The following TENM3 variants were observed in gnomAD, a reference collection of about 807,000 sequenced individuals.
The protein encoded by TENM3 is teneurin-3.
A neutral mutation model predicts 255.1 loss-of-function variants in TENM3; 63 were observed. The observed-to-expected ratio is 0.25, with a 90% CI of 0.20 to 0.30. The LOEUF (loss-of-function observed/expected upper bound fraction) is 0.30, where lower values mean the gene tolerates loss of function less well. Among genes scored for constraint, TENM3 ranks in the 10% least tolerant of loss-of-function variants. TENM3 has a pLI of 1.00. For missense variants in TENM3, 2,929 were observed against 3,461.1 expected (o/e 0.85, Z 3.86); for synonymous variants, 1,306 against 1,322.3 (o/e 0.99, Z 0.27).
Position 182,680,670 on chromosome 4 carries a change from T to G in TENM3, c.1767T>G (p.Gly589=), listed in dbSNP as rs770070786. ...TTQCIDPQCG[G]RGICIMGSCA... is the part of the protein sequence containing the mutation. The stretch of plus-strand genomic sequence containing the variant: ...AGTGTATTGACCCACAGTGTGGGGG[T>G]CGTGGGATTTGTATCATGGGCTCTT... The change falls in exon 10 of 28, where the codon GGT becomes GGG. Residue 589 remains glycine (G), a synonymous_variant. Coordinates refer to ENST00000511685, the MANE Select transcript of TENM3 (RefSeq NM_001080477.4). 1 of 1,606,414 alleles carries G rather than the reference T, an allele frequency of 6.2e-7. No homozygotes were observed. The highest frequency in any genetic ancestry group is 8.5e-7 in the Non-Finnish European group (1 of 1,177,412).
chr4:182,102,153 C>A, the TENM3 span, among the ~76,000 whole-genome samples: 1 of 152,086 alleles, frequency 6.6e-6, no homozygotes, highest in African/African-American at 2.4e-5. Flanking sequence ...GTGTAGGAGC[C>A]CAGATGTGTA....
chr4:181,552,868 T>C, the TENM3 span, among the ~76,000 whole-genome samples: 15 of 152,348 alleles, frequency 9.8e-5, no homozygotes, highest in South Asian at 3.1e-3. Flanking sequence ...ACAAGAAGTT[T>C]GCTAATTCAT....
the TENM3 span, among the ~76,000 whole-genome samples, chr4:181,526,003 G>A: frequency 2.0e-5 from 3 of 152,178 alleles, no homozygotes; most frequent in African/African-American, 7.2e-5. Flanking sequence ...TTTGAGAGAA[G>A]CACGTTTTCT....
rs368532377 is a variant in TENM3 at position 182,689,698 on chromosome 4, C to A, written c.2221+1347C>A. ...TCCTTTTCCCAGCAGCGAAACGAAT[C>A]GACATATTTGCAGTATTTCTGCCCA... is the stretch of plus-strand genomic sequence containing the variant. On this transcript the variant is annotated intron_variant, in intron 12 of 27. Transcript: ENST00000511685. Among the ~76,000 whole-genome samples the A allele has an allele frequency of 5.3e-5, 8 of 152,276 alleles. No homozygotes were observed. The South Asian group carries it at 1.7e-3, about 32-fold the overall frequency.
intron 3 of TENM3, among the ~76,000 whole-genome samples, chr4:182,495,958 A>G (rs1035145453): frequency 5.3e-5 from 8 of 152,224 alleles, no homozygotes; most frequent in Non-Finnish European, 1.2e-4. Context: ...TTGTTCTCTT[A>G]TTTAGACTGA....
At chr4:182,268,576 T>G (rs1309255777) in intron 1 of TENM3, among the ~76,000 whole-genome samples, 2 of 152,046 alleles carry the variant, frequency 1.3e-5, no homozygotes, top group Non-Finnish European at 2.9e-5. Context: ...GCATTCTAAG[T>G]CACAGAATGA....
At chr4:181,938,822 T>C in the TENM3 span, among the ~76,000 whole-genome samples, 1 of 152,172 alleles carries the variant, frequency 6.6e-6, no homozygotes, top group Non-Finnish European at 1.5e-5. Context: ...AAGAACTAGG[T>C]CTGGCACCCA....
the TENM3 span, chr4:182,084,840 T>C: frequency 6.6e-6 from 1 of 152,206 alleles, no homozygotes; most frequent in African/African-American, 2.4e-5. Flanking sequence ...ACAAGGCATT[T>C]ATATCTAACT....
At chr4:181,800,855 C>T in the TENM3 span, among the ~76,000 whole-genome samples, 17 of 152,168 alleles carry the variant, frequency 1.1e-4, no homozygotes, top group Non-Finnish European at 2.1e-4. Flanking sequence ...CCTGTTATTA[C>T]TCTTACTATG....
At chr4:182,718,298 A>G (rs1276670769) in intron 13 of TENM3, among the ~76,000 whole-genome samples, 2 of 152,214 alleles carry the variant, frequency 1.3e-5, no homozygotes, top group East Asian at 3.8e-4. Context: ...CTTCTACCTT[A>G]GAATCATTCT....
chr4:182,078,686 G>T, the TENM3 span, among the ~76,000 whole-genome samples: 1 of 152,168 alleles, frequency 6.6e-6, no homozygotes, highest in Non-Finnish European at 1.5e-5. Flanking sequence ...GAGGCCAGTT[G>T]CTATGCTACT....
chr4:181,602,751 A>C, the TENM3 span, among the ~76,000 whole-genome samples: 1 of 152,228 alleles, frequency 6.6e-6, no homozygotes, highest in South Asian at 2.1e-4. Context: ...CAATTTGGAC[A>C]TATGGATCAC....
At chr4:181,882,894 T>C in the TENM3 span, among the ~76,000 whole-genome samples, 1 of 152,144 alleles carries the variant, frequency 6.6e-6, no homozygotes, top group Non-Finnish European at 1.5e-5. Flanking sequence ...TCAAAAGGTA[T>C]GATTAAGAGA....
the TENM3 span, among the ~76,000 whole-genome samples, chr4:182,101,076 A>G: frequency 8.4e-3 from 89 of 10,582 alleles, 10 homozygotes; most frequent in Non-Finnish European, 0.019. Flanking sequence ...AAAAGAAAGG[A>G]AGGGAGGGAG....
chr4:182,354,757 G>C (rs1198049536), intron 3 of TENM3, among the ~76,000 whole-genome samples: 2 of 152,182 alleles, frequency 1.3e-5, no homozygotes, highest in African/African-American at 4.8e-5. Context: ...CTATTTGAAT[G>C]CATGTTAAAA....
the TENM3 span, among the ~76,000 whole-genome samples, chr4:181,927,704 C>T: frequency 6.6e-6 from 1 of 152,192 alleles, no homozygotes; most frequent in East Asian, 1.9e-4. Context: ...CAAGTGGGTC[C>T]CTGACCCCCA....
chr4:182,131,160 G>T, the TENM3 span, among the ~76,000 whole-genome samples: 6 of 152,136 alleles, frequency 3.9e-5, no homozygotes, highest in African/African-American at 1.4e-4. Flanking sequence ...TAGTGGGGGA[G>T]GTTGGGGTGT....
At chr4:181,471,368 T>A in the TENM3 span, among the ~76,000 whole-genome samples, 2 of 152,214 alleles carry the variant, frequency 1.3e-5, no homozygotes, top group South Asian at 4.1e-4. Context: ...CTGTTTTAAA[T>A]TTTTTAATTA....
chr4:182,371,801 T>C (rs1310146846), intron 3 of TENM3, among the ~76,000 whole-genome samples: 1 of 152,228 alleles, frequency 6.6e-6, no homozygotes, highest in African/African-American at 2.4e-5. Context: ...AATACATGTT[T>C]CTTTCAACTT....
Sources: gnomAD v4.1 joint callset for allele counts (sites outside exome capture counted in the v4.1 genomes callset) on GRCh38, gnomAD v4.1.1 for gene constraint, MANE v1.5 for transcripts, NCBI Gene and HGNC (gene_info 2026-07-23, HGNC 2026-07-21) for gene names.